The following CSMD3 variants were observed in gnomAD, a reference collection of about 807,000 sequenced individuals.
CSMD3 encodes the protein CUB and Sushi multiple domains 3.
In CSMD3, 177 loss-of-function variants were observed where a neutral mutation model predicts 435.2. That is an observed-to-expected ratio of 0.41 (90% CI 0.36 to 0.46). CSMD3 has a LOEUF of 0.46. Ranked by LOEUF, CSMD3 falls within the 20% of genes least tolerant of loss-of-function variation. The pLI, the probability that CSMD3 is intolerant of heterozygous loss-of-function variation, is 0.34. For missense variants in CSMD3, 4,265 were observed against 4,504.6 expected (o/e 0.95, Z 1.52); for synonymous variants, 1,656 against 1,520.5 (o/e 1.09, Z -2.07).
intron 29 of CSMD3, 127 bp downstream of exon 29, chr8:112,506,564 C>A: frequency 2.2e-6 from 2 of 895,586 alleles, no homozygotes; most frequent in East Asian, 2.6e-5. Flanking sequence ...ACTATTAGCA[C>A]TGGGATAAGT....
At chr8:112,868,631 A>G (rs918356777) in intron 10 of CSMD3, among the ~76,000 whole-genome samples, 1 of 152,170 alleles carries the variant, frequency 6.6e-6, no homozygotes, top group Non-Finnish European at 1.5e-5. Context: ...AGCTACAGTA[A>G]TCATAACAGT....
At chr8:113,122,333 T>C (rs1416594746) in intron 4 of CSMD3, among the ~76,000 whole-genome samples, 2 of 152,104 alleles carry the variant, frequency 1.3e-5, no homozygotes, top group Non-Finnish European at 2.9e-5. Context: ...AGCATCCATG[T>C]TTAGATAAAT....
intron 30 of CSMD3, among the ~76,000 whole-genome samples, chr8:112,493,395 C>A (rs942349829): frequency 6.6e-6 from 1 of 152,004 alleles, no homozygotes; most frequent in Non-Finnish European, 1.5e-5. Flanking sequence ...GTTACTGAAC[C>A]TAGAAGTGGT....
Position 112,399,780 on chromosome 8 carries a change from T to C in CSMD3, c.5809+6744A>G, listed in dbSNP as rs538315120. Among the ~76,000 whole-genome samples the C allele has an allele frequency of 5.9e-5, 9 of 152,346 alleles. No individual in the cohort carries two copies. In the East Asian group the frequency reaches 9.6e-4, roughly 16 times the overall value. On this transcript the variant is annotated intron_variant, in intron 35 of 70. Coordinates refer to ENST00000297405, the MANE Select transcript of CSMD3 (RefSeq NM_198123.2). ...TATAACAAGAATATTCTTTCCTCTA[T>C]TGTTCAACAACTTGTTCCTCATTTC...
At chr8:112,430,896 ATGTGTG>A (rs61496543) in intron 32 of CSMD3, among the ~76,000 whole-genome samples, 5 of 148,588 alleles carry the variant, frequency 3.4e-5, no homozygotes, top group East Asian at 2.0e-4. Flanking sequence ...TTGTGTGTAT[ATGTGTG>A]TGTGTGTGTG....
intron 2 of CSMD3, among the ~76,000 whole-genome samples, chr8:113,295,878 C>T (rs111230477): frequency 0.096 from 14,585 of 152,138 alleles, 909 homozygotes; most frequent in Middle Eastern, 0.17. Context: ...TTCACAATAG[C>T]AAAGACCTGG....
intron 1 of CSMD3, among the ~76,000 whole-genome samples, chr8:113,417,574 A>G (rs2129894675): frequency 6.6e-6 from 1 of 152,152 alleles, no homozygotes; most frequent in South Asian, 2.1e-4. Flanking sequence ...ATAGGAGTTT[A>G]TGTATGAATT....
chr8:113,004,441 A>G (rs1033582945), intron 6 of CSMD3, among the ~76,000 whole-genome samples: 1 of 152,026 alleles, frequency 6.6e-6, no homozygotes, highest in Non-Finnish European at 1.5e-5. Context: ...CAACATCCAA[A>G]GAAAATATGT....
intron 3 of CSMD3, among the ~76,000 whole-genome samples, chr8:113,242,268 A>G (rs1349648521): frequency 4.6e-5 from 7 of 151,948 alleles, no homozygotes. Flanking sequence ...ACCTTAATGA[A>G]CAGAATAAAA....
intron 5 of CSMD3, among the ~76,000 whole-genome samples, chr8:113,088,814 A>C (rs1489098132): frequency 1.3e-5 from 2 of 151,920 alleles, no homozygotes; most frequent in African/African-American, 4.8e-5. Flanking sequence ...TACATATGTA[A>C]CTAACCTGCA....
At chr8:112,464,136 G>A (rs1284904961) in intron 32 of CSMD3, among the ~76,000 whole-genome samples, 1 of 151,950 alleles carries the variant, frequency 6.6e-6, no homozygotes, top group East Asian at 2.0e-4. Flanking sequence ...TACTCAGGAG[G>A]CTGAGGCAGA....
chr8:112,930,792 T>A (rs898577603), intron 9 of CSMD3, among the ~76,000 whole-genome samples: 25 of 152,062 alleles, frequency 1.6e-4, no homozygotes, highest in African/African-American at 6.0e-4. Flanking sequence ...AGCAACTACC[T>A]CATTGTCTGT....
At chr8:113,355,090 C>T (rs2094212921) in intron 1 of CSMD3, among the ~76,000 whole-genome samples, 1 of 152,080 alleles carries the variant, frequency 6.6e-6, no homozygotes, top group Non-Finnish European at 1.5e-5. Flanking sequence ...AGGTTAAAAA[C>T]AATACTTCAA....
intron 1 of CSMD3, among the ~76,000 whole-genome samples, chr8:113,341,621 TG>T (rs1054580933): frequency 6.6e-6 from 1 of 152,118 alleles, no homozygotes; most frequent in African/African-American, 2.4e-5. Flanking sequence ...TCTGAAAGGC[TG>T]TTTAAAATAT....
At chr8:112,743,765 T>C (rs2077367584) in intron 13 of CSMD3, among the ~76,000 whole-genome samples, 2 of 152,062 alleles carry the variant, frequency 1.3e-5, no homozygotes, top group Admixed American at 1.3e-4. Flanking sequence ...CATGTGCTTT[T>C]TCTTTTAAAT....
chr8:112,829,826 G>T (rs772546445), intron 11 of CSMD3, 37 bp from the exon 12 acceptor site: 7 of 1,123,212 alleles, frequency 6.2e-6, no homozygotes, highest in African/African-American at 3.1e-5. Context: ...TAAATATACT[G>T]CGTTGTGCAA....
intron 6 of CSMD3, among the ~76,000 whole-genome samples, chr8:113,000,698 G>A (rs935920379): frequency 2.6e-5 from 4 of 151,828 alleles, no homozygotes; most frequent in Non-Finnish European, 5.9e-5. Flanking sequence ...CTTAATCTTT[G>A]GTTGTATTTT....
At chr8:113,097,009 T>A (rs2090184157) in intron 5 of CSMD3, among the ~76,000 whole-genome samples, 2 of 152,144 alleles carry the variant, frequency 1.3e-5, no homozygotes, top group South Asian at 4.1e-4. Flanking sequence ...TGTTCTAGAT[T>A]CAGCTTTGGC....
intron 6 of CSMD3, among the ~76,000 whole-genome samples, chr8:113,009,781 A>C (rs2086189850): frequency 6.6e-6 from 1 of 151,790 alleles, no homozygotes; most frequent in South Asian, 2.1e-4. Context: ...CTTTCCCAAT[A>C]AGGGTCTTAT....
Sources: allele counts gnomAD v4.1 joint callset (sites outside exome capture counted in the v4.1 genomes callset), GRCh38; gene constraint gnomAD v4.1.1; transcripts MANE v1.5; gene names NCBI Gene and HGNC (gene_info 2026-07-23, HGNC 2026-07-21).